Variants in EVC2 observed in about 807,000 individuals in gnomAD.
EVC2 encodes the protein limbin.
A neutral mutation model predicts 149.3 loss-of-function variants in EVC2; 148 were observed. The observed-to-expected ratio is 0.99, with a 90% CI of 0.87 to 1.14. The LOEUF (loss-of-function observed/expected upper bound fraction) is 1.14, where lower values mean the gene tolerates loss of function less well. EVC2 is among the 50% of genes most tolerant of loss of function. EVC2 has a pLI of 0.00. For missense variants in EVC2, 1,854 were observed against 1,627.3 expected, an observed-to-expected ratio of 1.14 and a Z score of -2.40; for synonymous variants, 776 against 649.9, an observed-to-expected ratio of 1.19 and a Z score of -2.95.
At chr4:5,546,212 G>C (rs546348301) in intron 21 of EVC2, among the ~76,000 whole-genome samples, 1 of 152,122 alleles carries the variant, frequency 6.6e-6, no homozygotes, top group East Asian at 1.9e-4. Flanking sequence ...TCCCATTACT[G>C]GGTATATACC....
chr4:5,664,897 A>ACGTGTGGGTGATGGGGTG (rs1719153006), intron 8 of EVC2, among the ~76,000 whole-genome samples: 1 of 147,468 alleles, frequency 6.8e-6, no homozygotes, highest in Non-Finnish European at 1.5e-5. Context: ...GTGATGGGGT[A>ACGTGTGGGTGATGGGGTG]CGTGTGGGTG....
chr4:5,650,638 T>TATAGAGAGAG (rs1162935817), intron 9 of EVC2, among the ~76,000 whole-genome samples: 37 of 45,082 alleles, frequency 8.2e-4, no homozygotes, highest in Non-Finnish European at 1.2e-3. Context: ...TATATATATA[T>TATAGAGAGAG]AGAGAGAGAG....
chr4:5,687,757 T>C (rs1720822597), intron 5 of EVC2, among the ~76,000 whole-genome samples: 1 of 152,090 alleles, frequency 6.6e-6, no homozygotes, highest in African/African-American at 2.4e-5. Context: ...CGCAGGAGCA[T>C]GGACCATGAA....
In EVC2 at chr4:5,567,131, C is replaced by T. The variant is rs562659603; in HGVS notation, c.3557+1313G>A. ...CAGCCCACACCCAGCCCTCTGACCA[C>T]GCCAACAACCAGACCTCTGACCCCC... is the stretch of plus-strand genomic sequence containing the variant. On this transcript the variant is annotated intron_variant, in intron 20 of 21. Coordinates refer to ENST00000344408, the MANE Select transcript of EVC2 (RefSeq NM_147127.5). This position sits in a 1 kb window ranked among gnomAD's most constrained non-coding sequence, Gnocchi z 4.4. Among the ~76,000 whole-genome samples, 126 of 152,200 alleles carry T rather than the reference C, an allele frequency of 8.3e-4. No homozygotes were observed. The highest frequency in any genetic ancestry group is 1.4e-3 in the Non-Finnish European group (96 of 68,006).
chr4:5,547,794 T>C (rs4689253), intron 21 of EVC2, among the ~76,000 whole-genome samples: 73,783 of 152,066 alleles, frequency 0.49, 20,045 homozygotes, highest in East Asian at 0.93. Flanking sequence ...CAAACAGGGC[T>C]GAAACATACC....
Position 5,625,848 on chromosome 4 carries a change from G to A in EVC2, c.1947C>T (p.Val649=). ...EMLLERAQTE[V]FSIKQKLDND... The stretch of plus-strand genomic sequence containing the variant: ...TGTCCAACTTCTGCTTGATTGAAAA[G>A]ACTTCTGTCTGAGCCCGCTCCAATA... Residue 649 remains valine (V), a synonymous_variant, in exon 13 of 22, where the codon GTC becomes GTT. Transcript: ENST00000344408. This position sits in a 1 kb window ranked among gnomAD's most constrained non-coding sequence, Gnocchi z 4.0. 6.2e-7 allele frequency: 1 copy of A among 1,614,028 alleles called. No individual in the cohort carries two copies. The highest frequency in any genetic ancestry group is 8.5e-7 in the Non-Finnish European group (1 of 1,180,014).
chr4:5,627,108 G>A (rs753644729), intron 12 of EVC2, among the ~76,000 whole-genome samples: 3 of 152,154 alleles, frequency 2.0e-5, no homozygotes, highest in Non-Finnish European at 4.4e-5. Context: ...ACCCTGACGA[G>A]TACACTCTGC....
At position 5,576,330 on chromosome 4, in the gene EVC2, G is replaced by C; in HGVS notation, c.3182C>G (p.Pro1061Arg). 6.2e-7 allele frequency: 1 copy of C among 1,614,178 alleles called. No homozygotes were observed. The highest frequency in any genetic ancestry group is 8.5e-7 in the Non-Finnish European group (1 of 1,180,034). ...VADGPGILNEPGEVDSERQVS... is the reference protein window; with the variant it reads ...VADGPGILNERGEVDSERQVS... ...CTGCCTTTCAGAATCCACCTCCCCA[G>C]GTTCGTTCAGAATCCCGGGCCCATC... The change falls in exon 18 of 22, where the codon CCT becomes CGT. Residue 1061 changes from proline to arginine, a missense_variant. Pro to Arg is a moderately radical substitution (Grantham distance 103). Coordinates refer to ENST00000344408, the MANE Select transcript of EVC2 (RefSeq NM_147127.5). This position sits in a 1 kb window ranked among gnomAD's most constrained non-coding sequence, Gnocchi z 4.5.
intron 9 of EVC2, among the ~76,000 whole-genome samples, chr4:5,650,638 T>TATATATAGAGAGAG (rs1162935817): frequency 5.1e-4 from 23 of 45,096 alleles, no homozygotes; most frequent in South Asian, 1.1e-3. Context: ...TATATATATA[T>TATATATAGAGAGAG]AGAGAGAGAG....
intron 16 of EVC2, among the ~76,000 whole-genome samples, chr4:5,591,938 G>C (rs1014870623): frequency 6.6e-6 from 1 of 152,130 alleles, no homozygotes; most frequent in African/African-American, 2.4e-5. Flanking sequence ...CTGACAACAT[G>C]TGGATTTCAA....
In EVC2 at chr4:5,562,845, G is replaced by A. The variant is rs1268234405; in HGVS notation, c.*3C>T. The A allele has an allele frequency of 5.6e-6, 9 of 1,613,750 alleles. No homozygotes were observed. Among genetic ancestry groups the A allele is most frequent in the Non-Finnish European group, 7.6e-6 (9 of 1,180,026 alleles). On this transcript the variant is annotated 3_prime_UTR_variant, in exon 22 of 22. Transcript: ENST00000344408. The surrounding 1 kb of genome is among the most constrained non-coding windows in gnomAD (Gnocchi z 4.3). ...AGATGCTCCCGCAGGTCTTTCCCTT[G>A]GGCTAGTCCATGCCCAAGGCCCTCA...
chr4:5,572,708 C>A (rs1311538782), intron 19 of EVC2, among the ~76,000 whole-genome samples: 2 of 152,270 alleles, frequency 1.3e-5, no homozygotes, highest in African/African-American at 4.8e-5. Context: ...ACAGAGTTCA[C>A]AATTTAAAAG....
chr4:5,583,401 C>T (rs1240712510), intron 17 of EVC2, among the ~76,000 whole-genome samples: 1 of 152,154 alleles, frequency 6.6e-6, no homozygotes. Flanking sequence ...TTTTCTAATA[C>T]AAGGAATAAT....
chr4:5,698,746 C>T (rs887513103), intron 1 of EVC2, among the ~76,000 whole-genome samples: 1 of 152,242 alleles, frequency 6.6e-6, no homozygotes, highest in Non-Finnish European at 1.5e-5. Flanking sequence ...AGATAACTCA[C>T]TCCAGAGCCT....
rs1282813896 is a variant in EVC2 at position 5,651,222 on chromosome 4, T to C, written c.1146-10384A>G. Among the ~76,000 whole-genome samples, 3 of 147,384 alleles carry C rather than the reference T, an allele frequency of 2.0e-5. No homozygotes were observed. In the Admixed American group the frequency reaches 2.1e-4, roughly 10 times the overall value. ...GATGGCTAGCTGGCTGGATGGAAGA[T>C]TGGATGGGTAGATGAAGTATGGATG... On this transcript the variant is annotated intron_variant, in intron 9 of 21. Coordinates refer to ENST00000344408, the MANE Select transcript of EVC2 (RefSeq NM_147127.5).
intron 21 of EVC2, among the ~76,000 whole-genome samples, chr4:5,550,515 A>G (rs1721716950): frequency 6.6e-6 from 1 of 152,222 alleles, no homozygotes; most frequent in Non-Finnish European, 1.5e-5. Context: ...AAAGCATTCA[A>G]GAGGTGACTT....
intron 17 of EVC2, among the ~76,000 whole-genome samples, chr4:5,581,216 C>T (rs1298125533): frequency 6.6e-6 from 1 of 152,170 alleles, no homozygotes; most frequent in Non-Finnish European, 1.5e-5. Flanking sequence ...GAGGAGTGGA[C>T]ATTTCTACAA....
At position 5,694,554 on chromosome 4, in the gene EVC2, T is replaced by C. The variant is rs77216974; in HGVS notation, c.284-53A>G. 2,620 of 1,607,862 alleles carry C rather than the reference T, an allele frequency of 1.6e-3. 43 individuals are homozygous for C. The African/African-American group carries it at 0.032, about 19-fold the overall frequency. ...TATAATGCGGAAAGACAGTAAGACA[T>C]AGAACTTAACCTCTAGAGACAGACT... is the stretch of plus-strand genomic sequence containing the variant. On this transcript the variant is annotated intron_variant, in intron 2 of 21. Transcript: ENST00000344408.
At chr4:5,667,345 G>C (rs1719346623) in intron 7 of EVC2, among the ~76,000 whole-genome samples, 1 of 151,554 alleles carries the variant, frequency 6.6e-6, no homozygotes, top group Non-Finnish European at 1.5e-5. Flanking sequence ...TGTGTAATAA[G>C]AGATAATAAT....
Sources: gnomAD v4.1 joint callset for allele counts (sites outside exome capture counted in the v4.1 genomes callset) on GRCh38, gnomAD v4.1.1 for gene constraint, Gnocchi (gnomAD v3.1) non-coding constraint, MANE v1.5 for transcripts, NCBI Gene and HGNC (gene_info 2026-07-23, HGNC 2026-07-21) for gene names.